The following TLN1 variants were observed in gnomAD, a reference collection of about 807,000 sequenced individuals.
The protein encoded by TLN1 is talin 1.
A neutral mutation model predicts 292.3 loss-of-function variants in TLN1; 56 were observed. The observed-to-expected ratio is 0.19, with a 90% CI of 0.15 to 0.24. The LOEUF is 0.24. Ranked by LOEUF, TLN1 falls within the 10% of genes least tolerant of loss-of-function variation. The pLI is 1.00. For missense variants in TLN1, 2,433 were observed against 3,248.2 expected, an observed-to-expected ratio of 0.75 and a Z score of 6.10; for synonymous variants, 1,119 against 1,253.7, an observed-to-expected ratio of 0.89 and a Z score of 2.27.
At chr9:35,713,804 AAAGG>A (rs956986626) in intron 25 of TLN1, 145 bp downstream of exon 25, 16 of 825,114 alleles carry the variant, frequency 1.9e-5, no homozygotes, top group African/African-American at 3.5e-5. Flanking sequence ...GAGAAAGAAA[AAAGG>A]AAGGAAGAAG....
At position 35,725,224 on chromosome 9, in the gene TLN1, C is replaced by T; in HGVS notation, c.228G>A (p.Gly76=). The T allele has an allele frequency of 6.2e-7, 1 of 1,613,994 alleles. No individual in the cohort carries two copies. The highest frequency in any genetic ancestry group is 1.7e-5 in the Admixed American group (1 of 60,004). Residue 76 remains glycine (G), a splice_region_variant and synonymous_variant, in exon 3 of 57, where the codon GGG becomes GGA. Transcript: ENST00000314888. ...TGGTCCTTGATGAAAGGATACTTAC[C>T]CCATTTCGGAGCATGTAGTAGTCCA... ...KALDYYMLRN[G]DTMEYRKKQR...
At chr9:35,712,308 G>T (rs558079169) in intron 27 of TLN1, among the ~76,000 whole-genome samples, 184 bp from the exon 28 acceptor site, 1 of 152,322 alleles carries the variant, frequency 6.6e-6, no homozygotes, top group East Asian at 1.9e-4. Flanking sequence ...CCCAAACTTG[G>T]TGTTTAGCTC....
rs971869197 is a variant in TLN1, at chr9:35,705,965, G to A, written c.5508C>T (p.Asn1836=). ...AAAGGCACCCCAAGACTCTAACCTG[G>A]TTGATGGCCTGGGTGATGGAGTCCA... ...GMVDSITQAI[N]QLDEGPMGEP... is the part of the protein sequence containing the mutation. Residue 1836 remains asparagine (N), a synonymous_variant, in exon 41 of 57, where the codon AAC becomes AAT. Transcript: ENST00000314888. The A allele has an allele frequency of 1.9e-6, 3 of 1,614,070 alleles. No homozygotes were observed. Among genetic ancestry groups the A allele is most frequent in the African/African-American group, 2.7e-5 (2 of 74,936 alleles).
At chr9:35,722,025 G>T in intron 9 of TLN1, 94 bp downstream of exon 9, 1 of 1,259,158 alleles carries the variant, frequency 7.9e-7, no homozygotes, top group Non-Finnish European at 1.2e-6. Context: ...GGAATGGTGG[G>T]AGATGTGACT....
Position 35,719,533 on chromosome 9 carries a change from A to C in TLN1, c.1673T>G (p.Val558Gly). 6.2e-7 allele frequency: 1 copy of C among 1,614,084 alleles called. No individual in the cohort carries two copies. The highest frequency in any genetic ancestry group is 8.5e-7 in the Non-Finnish European group (1 of 1,180,000). ...DAITAGTASV[V>G]NLTAGDPAET... ...ATCCGGCCTACCTGCTGTCAGGTTC[A>C]CCACAGACGCAGTACCAGCTGTGAT... Residue 558 changes from valine (V) to glycine (G), a missense_variant, in exon 15 of 57, where the codon GTG (valine) becomes GGG (glycine). Val to Gly is a moderately radical substitution (Grantham distance 109). Around this residue, in one of 7 missense-constraint regions of TLN1, gnomAD observed 617 missense variants for 770.6 expected, o/e 0.80. Transcript: ENST00000314888. This position sits in a 1 kb window ranked among gnomAD's most constrained non-coding sequence, Gnocchi z 4.6.
At chr9:35,702,246 A>C (rs1230821624) in intron 48 of TLN1, among the ~76,000 whole-genome samples, 1 of 152,222 alleles carries the variant, frequency 6.6e-6, no homozygotes, top group African/African-American at 2.4e-5. Context: ...GTTCGGAGGC[A>C]CTGCATCTAG....
At chr9:35,723,859 T>TG (rs1171975346) in intron 7 of TLN1, 93 bp downstream of exon 7, 6 of 1,558,650 alleles carry the variant, frequency 3.8e-6, no homozygotes, top group Non-Finnish European at 5.2e-6. Context: ...GAAGAAATAG[T>TG]GGGGGGCAGG....
chr9:35,706,367 C>A lies in TLN1; in HGVS notation c.5191-1G>T. 1 of 1,609,600 alleles carries A rather than the reference C, an allele frequency of 6.2e-7. No individual in the cohort carries two copies. The highest frequency in any genetic ancestry group is 8.5e-7 in the Non-Finnish European group (1 of 1,177,538). On this transcript the variant is annotated splice_acceptor_variant, in intron 39 of 56. Coordinates refer to ENST00000314888, the MANE Select transcript of TLN1 (RefSeq NM_006289.4). LOFTEE classifies it high-confidence loss of function. The surrounding 1 kb of genome is among the most constrained non-coding windows in gnomAD (Gnocchi z 4.2). ...CAAAGTACTGCGCCATCTGGGACAC[C>A]TGAGGCAAGGGGTTGGACTAGGGGT...
intron 1 of TLN1, among the ~76,000 whole-genome samples, chr9:35,731,041 T>C (rs1012888085): frequency 6.6e-6 from 1 of 152,130 alleles, no homozygotes; most frequent in African/African-American, 2.4e-5. Flanking sequence ...AGCAAGGGCC[T>C]TGGGCTTAGA....
At chr9:35,703,493 C>A in intron 48 of TLN1, 67 bp downstream of exon 48, 1 of 1,416,738 alleles carries the variant, frequency 7.1e-7, no homozygotes, top group Admixed American at 1.7e-5. Flanking sequence ...ATGTGTGGCA[C>A]AGGTTCACAG....
intron 8 of TLN1, 77 bp downstream of exon 8, chr9:35,722,784 A>AG: frequency 6.8e-7 from 1 of 1,461,084 alleles, no homozygotes; most frequent in Non-Finnish European, 9.6e-7. Context: ...GGGAGGAGGC[A>AG]GGGGGCCATT....
Position 35,698,749 on chromosome 9 carries a change from T to C in TLN1, c.7125+59A>G. On this transcript the variant is annotated intron_variant, in intron 53 of 56. Transcript: ENST00000314888. The surrounding 1 kb of genome is among the most constrained non-coding windows in gnomAD (Gnocchi z 5.3). Reference sequence around the variant, plus strand: ...TTCAAAGACTCGCTGGCTATGGATGTGGATGTGGACATCAAAGTGCCAACC... The same window carrying C: ...TTCAAAGACTCGCTGGCTATGGATGCGGATGTGGACATCAAAGTGCCAACC... The C allele has an allele frequency of 6.2e-7, 1 of 1,614,000 alleles. No homozygotes were observed. The highest frequency in any genetic ancestry group is 8.5e-7 in the Non-Finnish European group (1 of 1,179,874).
rs754557618 is a variant in TLN1, at chr9:35,704,213, G to A, written c.6048-39C>T. 23 of 1,568,732 alleles carry A rather than the reference G, an allele frequency of 1.5e-5. No homozygotes were observed. The highest frequency in any genetic ancestry group is 8.1e-5 in the African/African-American group (6 of 73,892). ...CAGCTTAGTCAGATCTCCCCTACCC[G>A]CTCCAGCCCGTCCAAGGTGCCTGGT... On this transcript the variant is annotated intron_variant, in intron 45 of 56. Transcript: ENST00000314888. This position sits in a 1 kb window ranked among gnomAD's most constrained non-coding sequence, Gnocchi z 6.9.
rs1192133634 is a variant in TLN1 at position 35,707,133 on chromosome 9, C to A, written c.4894G>T (p.Val1632Leu). The stretch of plus-strand genomic sequence containing the variant: ...ACAGTACGGGAGTGGCCGGCCAGCA[C>A]CGACCAGCTCGGGGGGTCCCGGGGA... The part of the protein sequence containing the change: ...VNPRDPPSWS[V>L]LAGHSRTVSD... The change falls in exon 37 of 57, where the codon GTG becomes TTG. Residue 1632 changes from valine (V) to leucine (L), a missense_variant. Physicochemically the swap from Val to Leu is conservative, Grantham distance 32. Transcript: ENST00000314888. This position sits in a 1 kb window ranked among gnomAD's most constrained non-coding sequence, Gnocchi z 5.6. 6.2e-7 allele frequency: 1 copy of A among 1,611,730 alleles called. No individual in the cohort carries two copies. The highest frequency in any genetic ancestry group is 8.5e-7 in the Non-Finnish European group (1 of 1,179,474).
At position 35,707,573 on chromosome 9, in the gene TLN1, T is replaced by A; in HGVS notation, c.4633-85A>T. On this transcript the variant is annotated intron_variant, in intron 35 of 56. Transcript: ENST00000314888. The surrounding 1 kb of genome is among the most constrained non-coding windows in gnomAD (Gnocchi z 5.6). ...GAAGTCCAGGTCTCCTTCCTGGGAC[T>A]TACAGGATTTGGGGAGAGGCTAGGT... The A allele has an allele frequency of 6.3e-7, 1 of 1,581,780 alleles. No homozygotes were observed. The highest frequency in any genetic ancestry group is 1.1e-5 in the South Asian group (1 of 87,136).
chr9:35,700,408 C>G, intron 48 of TLN1, 32 bp from the exon 49 acceptor site: 1 of 1,583,224 alleles, frequency 6.3e-7, no homozygotes. Flanking sequence ...AAAGATTTTA[C>G]AGTGGCTGAG....
Position 35,708,477 on chromosome 9 carries a change from T to C in TLN1, c.4334A>G (p.Tyr1445Cys). The change falls in exon 34 of 57, where the codon TAT becomes TGT. Residue 1445 changes from tyrosine (Y) to cysteine (C), a missense_variant. By Grantham distance (194) the Tyr-to-Cys change is radical (BLOSUM62 -2). Coordinates refer to ENST00000314888, the MANE Select transcript of TLN1 (RefSeq NM_006289.4). ...ATTGGGGTCAGAGACACCAACCAGA[T>C]ATGCAGCCTGGGAAGAGAAAAGGGG... ...GFTEAAAQAAYLVGVSDPNSQ... is the reference protein window; with the variant it reads ...GFTEAAAQAACLVGVSDPNSQ... 6.4e-7 allele frequency: 1 copy of C among 1,574,344 alleles called. No individual in the cohort carries two copies. Among genetic ancestry groups the C allele is most frequent in the Admixed American group, 1.8e-5 (1 of 55,670 alleles).
rs141770878 is a variant in TLN1, at chr9:35,703,789, T to C, written c.6343A>G (p.Lys2115Glu). The C allele has an allele frequency of 3.6e-4, 580 of 1,614,208 alleles. No homozygotes were observed. The highest frequency in any genetic ancestry group is 4.2e-4 in the Non-Finnish European group (495 of 1,180,034). The change falls in exon 47 of 57, where the codon AAG becomes GAG. Residue 2115 changes from lysine (K) to glutamate (E), a missense_variant. Transcript: ENST00000314888. ...TTCTCTCCAACCTTGGCAGAGTTCT[T>C]TAGCTGCCACACAGCAGGGTCATCT... ...VGDDPAVWQL[K>E]NSAKVMVTNV...
Position 35,700,031 on chromosome 9 carries a change from C to T in TLN1, c.6711G>A (p.Leu2237=). The T allele has an allele frequency of 6.2e-7, 1 of 1,613,538 alleles. No homozygotes were observed. The highest frequency in any genetic ancestry group is 8.5e-7 in the Non-Finnish European group (1 of 1,179,650). ...CATTGGCACACTCCCGGCCATAGTG[C>T]AGGGCTCGAAGCCGCACATCAGGGG... ...EVAPDVRLRA[L]HYGRECANGY... Residue 2237 remains leucine (L), a synonymous_variant, in exon 50 of 57, where the codon CTG becomes CTA. Transcript: ENST00000314888.
Sources: allele counts gnomAD v4.1 joint callset (sites outside exome capture counted in the v4.1 genomes callset), GRCh38; gene constraint gnomAD v4.1.1; regional missense constraint gnomAD v4.1.1; non-coding constraint Gnocchi (gnomAD v3.1); transcripts MANE v1.5; gene names NCBI Gene and HGNC (gene_info 2026-07-23, HGNC 2026-07-21).